Variants in PPM1L observed in about 807,000 individuals in gnomAD.
The protein encoded by PPM1L is protein phosphatase 1L.
PPM1L carries 13 observed loss-of-function variants against 31.4 expected under a neutral mutation model. That is an observed-to-expected ratio of 0.41 (90% confidence interval 0.27 to 0.66). The LOEUF is 0.66. PPM1L is among the 30% of genes least tolerant of loss of function. PPM1L has a pLI of 0.29. For missense variants in PPM1L, 326 were observed against 453.7 expected (o/e 0.72, Z 2.56); for synonymous variants, 184 against 175.4 (o/e 1.05, Z -0.39).
At chr3:160,807,662 T>A (rs947408310) in intron 1 of PPM1L, among the ~76,000 whole-genome samples, 4 of 152,152 alleles carry the variant, frequency 2.6e-5, no homozygotes, top group African/African-American at 9.7e-5. Flanking sequence ...GTCCAATAAA[T>A]GATCAGTCCT....
At chr3:160,903,193 G>GTGTGTGTGTGTGTGT (rs1553819620) in intron 1 of PPM1L, among the ~76,000 whole-genome samples, 7 of 124,100 alleles carry the variant, frequency 5.6e-5, no homozygotes, top group Non-Finnish European at 1.1e-4. Context: ...GTGTGTGTGT[G>GTGTGTGTGTGTGTGT]GTATGTGTGT....
chr3:160,791,445 T>C (rs1217551033), intron 1 of PPM1L, among the ~76,000 whole-genome samples: 1 of 152,176 alleles, frequency 6.6e-6, no homozygotes, highest in Non-Finnish European at 1.5e-5. Flanking sequence ...TAAGTTTATT[T>C]CTCTTTCTCT....
At chr3:160,796,368 C>T (rs1712250754) in intron 1 of PPM1L, among the ~76,000 whole-genome samples, 1 of 152,152 alleles carries the variant, frequency 6.6e-6, no homozygotes, top group African/African-American at 2.4e-5. Context: ...TTCTGTGCTG[C>T]ATCTCTGCTA....
intron 1 of PPM1L, among the ~76,000 whole-genome samples, chr3:160,856,006 T>C (rs1218568648): frequency 6.6e-6 from 1 of 152,068 alleles, no homozygotes; most frequent in Admixed American, 6.6e-5. Context: ...GAAGCTAGTC[T>C]GAGTCCCAAA....
At chr3:160,783,765 C>G (rs2108068263) in intron 1 of PPM1L, among the ~76,000 whole-genome samples, 1 of 152,202 alleles carries the variant, frequency 6.6e-6, no homozygotes, top group South Asian at 2.1e-4. Context: ...CTCTCTATTT[C>G]TCTGTTGAAT....
At chr3:160,903,164 A>AGTGTGGGTGTGTGT (rs1553819624) in intron 1 of PPM1L, among the ~76,000 whole-genome samples, 2 of 106,530 alleles carry the variant, frequency 1.9e-5, no homozygotes, top group African/African-American at 8.6e-5. Context: ...TAGAAGCAAT[A>AGTGTGGGTGTGTGT]GTGTGTGTGT....
At chr3:160,965,512 G>T (rs1716113492) in intron 2 of PPM1L, among the ~76,000 whole-genome samples, 1 of 151,950 alleles carries the variant, frequency 6.6e-6, no homozygotes, top group African/African-American at 2.4e-5. Flanking sequence ...AGATGACTTT[G>T]TCCAACTACA....
At chr3:161,023,390 ATTG>A (rs576411852) in intron 2 of PPM1L, among the ~76,000 whole-genome samples, 354 of 152,176 alleles carry the variant, frequency 2.3e-3, no homozygotes, top group African/African-American at 8.4e-3. Flanking sequence ...TGTTCCACAG[ATTG>A]TTAAGGCTCT....
Position 161,070,937 on chromosome 3 carries a change from G to A in PPM1L, c.*1780G>A, listed in dbSNP as rs1719894945. Reference sequence around the variant, plus strand: ...TTGCTAATGATTTCCCATGAGATTTGCTTACTTTTGTATACTGTATTTTCC... The same window carrying A: ...TTGCTAATGATTTCCCATGAGATTTACTTACTTTTGTATACTGTATTTTCC... On this transcript the variant is annotated 3_prime_UTR_variant, in exon 4 of 4. Coordinates refer to ENST00000498165, the MANE Select transcript of PPM1L (RefSeq NM_139245.4). 1 of 152,110 alleles carries A rather than the reference G, an allele frequency of 6.6e-6. No homozygotes were observed. The allele number at this position is 152,110 out of a possible 1,614,324, so 9.4% of individuals were successfully genotyped here.
intron 1 of PPM1L, among the ~76,000 whole-genome samples, chr3:160,757,791 C>T (rs995998696): frequency 6.6e-6 from 1 of 152,222 alleles, no homozygotes; most frequent in East Asian, 1.9e-4. Flanking sequence ...CACCCCTCCC[C>T]CGAACTCCCA....
chr3:160,950,354 AG>A (rs1474531499), intron 1 of PPM1L, among the ~76,000 whole-genome samples: 2 of 152,320 alleles, frequency 1.3e-5, no homozygotes, highest in East Asian at 1.9e-4. Context: ...GCGTCAAAAA[AG>A]GGAAAACGAT....
At chr3:161,010,180 G>A (rs1717845023) in intron 2 of PPM1L, among the ~76,000 whole-genome samples, 1 of 151,848 alleles carries the variant, frequency 6.6e-6, no homozygotes, top group Non-Finnish European at 1.5e-5. Context: ...AGGCCCCAAT[G>A]TGTGATGTTC....
chr3:160,897,110 T>G (rs955999219), intron 1 of PPM1L, among the ~76,000 whole-genome samples: 1 of 151,146 alleles, frequency 6.6e-6, no homozygotes, highest in African/African-American at 2.4e-5. Context: ...TGGTGTGATC[T>G]TGGCTCACTG....
At chr3:161,015,901 T>G (rs190035542) in intron 2 of PPM1L, among the ~76,000 whole-genome samples, 1 of 152,268 alleles carries the variant, frequency 6.6e-6, no homozygotes, top group East Asian at 1.9e-4. Flanking sequence ...TTTTTCATTG[T>G]ATGCCCTTCT....
At chr3:160,785,887 A>G (rs897780564) in intron 1 of PPM1L, among the ~76,000 whole-genome samples, 1 of 149,048 alleles carries the variant, frequency 6.7e-6, no homozygotes, top group African/African-American at 2.5e-5. Context: ...TTTTAGAAGT[A>G]AAATTGCTGG....
At chr3:160,896,187 G>A (rs1713328650) in intron 1 of PPM1L, among the ~76,000 whole-genome samples, 1 of 151,928 alleles carries the variant, frequency 6.6e-6, no homozygotes, top group South Asian at 2.1e-4. Context: ...ATTTTACTTT[G>A]AATTACTTAT....
chr3:160,763,843 A>G (rs1276318572), intron 1 of PPM1L, among the ~76,000 whole-genome samples: 1 of 152,088 alleles, frequency 6.6e-6, no homozygotes, highest in Non-Finnish European at 1.5e-5. Context: ...AAAGAGAGGG[A>G]GAGGATGTGA....
chr3:160,993,272 A>AT (rs1717194238), intron 2 of PPM1L, among the ~76,000 whole-genome samples: 1 of 152,202 alleles, frequency 6.6e-6, no homozygotes, highest in Non-Finnish European at 1.5e-5. Flanking sequence ...GGTGATGGCC[A>AT]GCATCAATAT....
chr3:160,792,326 TA>T (rs1712130428), intron 1 of PPM1L, among the ~76,000 whole-genome samples: 1 of 152,208 alleles, frequency 6.6e-6, no homozygotes, highest in Admixed American at 6.5e-5. Flanking sequence ...ACCACTTAAG[TA>T]ACAACTTAGT....
Sources: allele counts gnomAD v4.1 joint callset (sites outside exome capture counted in the v4.1 genomes callset), GRCh38; gene constraint gnomAD v4.1.1; transcripts MANE v1.5; gene names NCBI Gene and HGNC (gene_info 2026-07-23, HGNC 2026-07-21).